BRAT1: variants seen among roughly 807,000 people sequenced by gnomAD.
BRAT1 encodes BRCA1 associated ATM activator 1.
A neutral mutation model predicts 70.6 loss-of-function variants in BRAT1; 74 were observed. The ratio of observed to expected loss-of-function variants is 1.05; its 90% confidence interval spans 0.87 to 1.27. BRAT1 has a LOEUF of 1.27. BRAT1 is among the 50% of genes most tolerant of loss of function. The probability of loss-of-function intolerance (pLI) is 0.00; values close to 1 mark genes in which losing one functional copy is unlikely to be tolerated. For missense variants in BRAT1, 1,203 were observed against 1,098.2 expected (o/e 1.10, Z -1.35); for synonymous variants, 615 against 517.1 (o/e 1.19, Z -2.57).
rs201855243 is a variant in BRAT1, at chr7:2,540,979, C to G, written c.1395G>C (p.Thr465=). The G allele has an allele frequency of 3.2e-6, 5 of 1,547,760 alleles. No individual in the cohort carries two copies. In the East Asian group the frequency reaches 9.6e-5, roughly 30 times the overall value. ...ECLESPGSSP[T]VLKKAFQATL... is the part of the protein sequence containing the mutation. ...TCGCTCTCTATCCCCACCACCGTAC[C>G]GTGGGGCTGGAGCCGGGGCTCTCGA... Residue 465 remains threonine (T), a splice_region_variant and synonymous_variant, in exon 10 of 14, where the codon ACG becomes ACC. Coordinates refer to ENST00000340611, the MANE Select transcript of BRAT1 (RefSeq NM_152743.4).
chr7:2,538,511 T>A lies in BRAT1; in HGVS notation c.2024A>T (p.Tyr675Phe). 1 of 1,610,334 alleles carries A rather than the reference T, an allele frequency of 6.2e-7. No individual in the cohort carries two copies. Among genetic ancestry groups the A allele is most frequent in the African/African-American group, 1.3e-5 (1 of 75,030 alleles). Residue 675 changes from tyrosine (Y) to phenylalanine (F), a missense_variant, in exon 14 of 14, where the codon TAT becomes TTT. Transcript: ENST00000340611. ...GGCCACCTCGGGTAGGGCCACGGCA[T>A]AGGGGCAGTGGGTACGCGGCGGCCC... The part of the protein sequence containing the change: ...TLGPPRTHCP[Y>F]AVALPEVAPA...
At chr7:2,540,732 C>T (rs545107653) in intron 10 of BRAT1, 3 of 421,934 alleles carry the variant, frequency 7.1e-6, no homozygotes, top group African/African-American at 2.1e-5. Flanking sequence ...CCCCGCAGGC[C>T]GCCTGACCAG....
intron 12 of BRAT1, 21 bp from the exon 13 acceptor site, chr7:2,539,372 A>AT: frequency 6.3e-7 from 1 of 1,590,230 alleles, no homozygotes; most frequent in East Asian, 2.3e-5. Flanking sequence ...AAACGGCCAC[A>AT]TGCAGCTGTG....
In BRAT1 at chr7:2,554,346, A is replaced by C; in HGVS notation, c.86T>G (p.Leu29Trp). The C allele has an allele frequency of 6.2e-7, 1 of 1,614,016 alleles. No individual in the cohort carries two copies. Among genetic ancestry groups the C allele is most frequent in the Non-Finnish European group, 8.5e-7 (1 of 1,179,932 alleles). The change falls in exon 2 of 14, where the codon TTG becomes TGG. Residue 29 changes from leucine to tryptophan, a missense_variant. Transcript: ENST00000340611. ...PRQPVADDTCLEKLLDWFKTV... is the reference protein window; with the variant it reads ...PRQPVADDTCWEKLLDWFKTV... The stretch of plus-strand genomic sequence containing the variant: ...TTTAAACCAGTCCAGGAGCTTCTCC[A>C]AACAGGTGTCATCTGCCACCGGCTG...
rs201479460 is a variant in BRAT1, at chr7:2,543,984, A to G, written c.431-22T>C. The stretch of plus-strand genomic sequence containing the variant: ...GCACCTGGGTAGGGGATGGGGGAAG[A>G]GAGGGAAAAGGGGGTGAGCCAGAAT... On this transcript the variant is annotated intron_variant, in intron 4 of 13. Coordinates refer to ENST00000340611, the MANE Select transcript of BRAT1 (RefSeq NM_152743.4). This position sits in a 1 kb window ranked among gnomAD's most constrained non-coding sequence, Gnocchi z 5.5. The G allele has an allele frequency of 2.7e-5, 42 of 1,530,722 alleles. No individual in the cohort carries two copies. The African/African-American group carries it at 4.7e-4, about 17-fold the overall frequency. 94.8% of individuals were successfully genotyped at this position (1,530,722 alleles called of 1,614,324 possible).
chr7:2,538,599 G>A lies in BRAT1; in HGVS notation c.1936C>T (p.Leu646=), dbSNP rs757399456. ...CCCTGGGCGCGGACCTCCCAGTCCA[G>A]GTCTCGGCTCGCCGCCTGCAGCACA... The part of the protein sequence containing the change: ...ATVLQAASRD[L]DWEVRAQGLE... The change falls in exon 14 of 14, where the codon CTG becomes TTG. Residue 646 remains leucine, a synonymous_variant. Transcript: ENST00000340611. The A allele has an allele frequency of 6.3e-7, 1 of 1,599,080 alleles. No homozygotes were observed. The highest frequency in any genetic ancestry group is 1.1e-5 in the South Asian group (1 of 90,944).
intron 2 of BRAT1, among the ~76,000 whole-genome samples, chr7:2,550,802 G>A (rs749830530): frequency 5.3e-5 from 8 of 152,148 alleles, no homozygotes; most frequent in Non-Finnish European, 1.0e-4. Flanking sequence ...GATGATTTCA[G>A]AGCCCTGTAA....
intron 7 of BRAT1, 124 bp from the exon 8 acceptor site, chr7:2,541,960 G>C: frequency 8.1e-7 from 1 of 1,234,788 alleles, no homozygotes; most frequent in Non-Finnish European, 1.1e-6. Flanking sequence ...CAGCTCACCA[G>C]GGGAGATGGC....
Position 2,541,542 on chromosome 7 carries a change from G to A in BRAT1, c.1135-58C>T, listed in dbSNP as rs73287538. The A allele has an allele frequency of 1.8e-3, 2,691 of 1,493,292 alleles. 32 individuals are homozygous for A. In the African/African-American group the frequency reaches 0.032, roughly 18 times the overall value. The allele number at this position is 1,493,292 out of a possible 1,614,324, so 92.5% of individuals were successfully genotyped here. On this transcript the variant is annotated intron_variant, in intron 8 of 13. Transcript: ENST00000340611. ...GGTCCCACTGCCGGCGTGGATGCAGGGGTGCTGGGACTTCGAGGCATGTGG... is the reference window on the plus strand; with the variant it reads ...GGTCCCACTGCCGGCGTGGATGCAGAGGTGCTGGGACTTCGAGGCATGTGG...
chr7:2,547,847 G>A (rs1328278032), intron 2 of BRAT1, among the ~76,000 whole-genome samples: 1 of 152,180 alleles, frequency 6.6e-6, no homozygotes, highest in Non-Finnish European at 1.5e-5. Flanking sequence ...ACGTTAGGAG[G>A]CCAAGGCGGG....
chr7:2,537,900 C>G lies in BRAT1; in HGVS notation c.*169G>C, dbSNP rs929058557. The G allele has an allele frequency of 8.7e-7, 1 of 1,155,558 alleles. No homozygotes were observed. The allele number at this position is 1,155,558 out of a possible 1,614,324, so 71.6% of individuals were successfully genotyped here. On this transcript the variant is annotated 3_prime_UTR_variant, in exon 14 of 14. Transcript: ENST00000340611. ...TATTTTGAGTAGAAATAAGTCATTT[C>G]TTTAATACATCAAACTGTGGGATTT... is the stretch of plus-strand genomic sequence containing the variant.
In BRAT1 at chr7:2,541,618, G is replaced by C. The variant is rs973528666; in HGVS notation, c.1134+100C>G. The C allele has an allele frequency of 5.2e-5, 76 of 1,461,064 alleles. No homozygotes were observed. The South Asian group carries it at 1.0e-3, about 19-fold the overall frequency. 90.5% of individuals were successfully genotyped at this position (1,461,064 alleles called of 1,614,324 possible). ...GGTCCCACTGCTGGCGTGGATGCAAGGGTGCTGGGGCAGCAAGGGGTGGGG... is the reference window on the plus strand; with the variant it reads ...GGTCCCACTGCTGGCGTGGATGCAACGGTGCTGGGGCAGCAAGGGGTGGGG... On this transcript the variant is annotated intron_variant, in intron 8 of 13. Coordinates refer to ENST00000340611, the MANE Select transcript of BRAT1 (RefSeq NM_152743.4).
chr7:2,552,442 G>A (rs1448100940), intron 2 of BRAT1, among the ~76,000 whole-genome samples: 1 of 151,274 alleles, frequency 6.6e-6, no homozygotes, highest in Non-Finnish European at 1.5e-5. Context: ...TAGAAAACAA[G>A]GAAGACCTAG....
At chr7:2,544,194 C>CTTTT (rs1779413800) in intron 4 of BRAT1, 4 of 176,966 alleles carry the variant, frequency 2.3e-5, no homozygotes, top group Non-Finnish European at 4.1e-5. Flanking sequence ...TTCGTTCCTT[C>CTTTT]TTGTTGTTTT....
chr7:2,553,096 G>C (rs186744212), intron 2 of BRAT1, among the ~76,000 whole-genome samples: 1 of 151,972 alleles, frequency 6.6e-6, no homozygotes, highest in Non-Finnish European at 1.5e-5. Flanking sequence ...GCAGTGGCAC[G>C]ATCTGGGCTC....
intron 7 of BRAT1, 22 bp from the exon 8 acceptor site, chr7:2,541,858 G>A: frequency 6.2e-7 from 1 of 1,610,722 alleles, no homozygotes; most frequent in Non-Finnish European, 8.5e-7. Context: ...GCCAGGAAGA[G>A]CTCCCTTAGA....
chr7:2,539,522 C>T (rs112755163), intron 12 of BRAT1, 22 bp downstream of exon 12: 3 of 1,536,956 alleles, frequency 2.0e-6, no homozygotes, highest in Non-Finnish European at 2.6e-6. Flanking sequence ...GGAAGGCAGC[C>T]CCTCCACCTG....
Position 2,539,309 on chromosome 7 carries a change from G to A in BRAT1, c.1640C>T (p.Pro547Leu), listed in dbSNP as rs780366274. The A allele has an allele frequency of 3.7e-6, 6 of 1,611,852 alleles. No individual in the cohort carries two copies. Among genetic ancestry groups the A allele is most frequent in the East Asian group, 2.2e-5 (1 of 44,886 alleles). The change falls in exon 13 of 14, where the codon CCT (proline) becomes CTT (leucine). Residue 547 changes from proline to leucine, a missense_variant. Coordinates refer to ENST00000340611, the MANE Select transcript of BRAT1 (RefSeq NM_152743.4). ...CTGGAGGAGCTGCAGGGCCAGCTGA[G>A]GCACCTCTGAAGCCAAGAGTGCGCA... ...FRCALLASEV[P>L]QLALQLLQDP...
Position 2,538,424 on chromosome 7 carries a change from GC to G in BRAT1, c.2110del (p.Ala704ProfsTer23), listed in dbSNP as rs1295645397. On this transcript the variant is annotated frameshift_variant, in exon 14 of 14. Coordinates refer to ENST00000340611, the MANE Select transcript of BRAT1 (RefSeq NM_152743.4). LOFTEE classifies it low-confidence loss of function (END_TRUNC). ...GTCGCAGTCAAACAAGGCACAAAAG[GC>G]GAAGTCAAAGAGCCCCACGTGGCAG... ...ALCHVGLFDF[A>X]FCALFDCDRP... is the part of the protein sequence containing the mutation. The G allele has an allele frequency of 6.2e-7, 1 of 1,613,314 alleles. No individual in the cohort carries two copies. Among genetic ancestry groups the G allele is most frequent in the African/African-American group, 1.3e-5 (1 of 74,932 alleles).
Sources: allele counts gnomAD v4.1 joint callset (sites outside exome capture counted in the v4.1 genomes callset), GRCh38; gene constraint gnomAD v4.1.1; non-coding constraint Gnocchi (gnomAD v3.1); transcripts MANE v1.5; gene names NCBI Gene and HGNC (gene_info 2026-07-23, HGNC 2026-07-21).